FRMD8: variants seen among roughly 807,000 people sequenced by gnomAD.
The protein encoded by FRMD8 is FERM domain containing 8.
Under a neutral mutation model 54.2 loss-of-function variants are expected in FRMD8, and 37 were observed. The ratio of observed to expected loss-of-function variants is 0.68; its 90% CI spans 0.53 to 0.90. The LOEUF is 0.90. FRMD8 is among the 40% of genes least tolerant of loss of function. The pLI, the probability that FRMD8 is intolerant of heterozygous loss-of-function variation, is 0.00. For synonymous variants in FRMD8, 246 were observed against 286.9 expected (o/e 0.86, Z 1.44); for missense variants, 585 against 653.7 (o/e 0.89, Z 1.15).
the FRMD8 span, chr11:65,380,011 G>A: frequency 6.3e-7 from 1 of 1,596,746 alleles, no homozygotes; most frequent in Non-Finnish European, 8.6e-7. Flanking sequence ...GCCCCCTCAA[G>A]CGGGATGCCA....
intron 2 of FRMD8, among the ~76,000 whole-genome samples, chr11:65,388,209 AG>A (rs1855772225): frequency 6.6e-6 from 1 of 151,392 alleles, no homozygotes; most frequent in Non-Finnish European, 1.5e-5. Flanking sequence ...TTCATTTGAT[AG>A]GGAGGAAACT....
At chr11:65,371,725 C>T in the FRMD8 span, among the ~76,000 whole-genome samples, 1 of 152,234 alleles carries the variant, frequency 6.6e-6, no homozygotes, top group Non-Finnish European at 1.5e-5. Context: ...GGTGATTCTC[C>T]TGCCTCAGCC....
chr11:65,391,168 G>A (rs573047384), intron 3 of FRMD8, among the ~76,000 whole-genome samples: 14 of 152,362 alleles, frequency 9.2e-5, no homozygotes, highest in South Asian at 6.2e-4. Context: ...TCTCAATGTC[G>A]TTGTCACTCT....
At chr11:65,398,339 G>A (rs921196179) in intron 7 of FRMD8, among the ~76,000 whole-genome samples, 3 of 152,364 alleles carry the variant, frequency 2.0e-5, no homozygotes, top group Middle Eastern at 3.4e-3. Context: ...ATACTTGTTA[G>A]ACGCCCCACT....
At chr11:65,379,443 T>C in the FRMD8 span, 3 of 1,613,970 alleles carry the variant, frequency 1.9e-6, no homozygotes, top group Non-Finnish European at 2.5e-6. Flanking sequence ...GGCCCGCCGC[T>C]CCTGGTGGGA....
At chr11:65,395,408 G>A (rs1244048519) in intron 6 of FRMD8, among the ~76,000 whole-genome samples, 1 of 151,562 alleles carries the variant, frequency 6.6e-6, no homozygotes, top group Non-Finnish European at 1.5e-5. Flanking sequence ...GCAAGGTGGT[G>A]CATGCCTGTA....
At chr11:65,387,387 G>A (rs894355038) in intron 2 of FRMD8, 3 of 617,186 alleles carry the variant, frequency 4.9e-6, no homozygotes, top group Admixed American at 2.6e-5. Context: ...GAAAAGTGAA[G>A]GCTGATGTGG....
At chr11:65,410,400 CAGG>C (rs1316997754) in intron 10 of FRMD8, among the ~76,000 whole-genome samples, 1 of 151,658 alleles carries the variant, frequency 6.6e-6, no homozygotes, top group African/African-American at 2.4e-5. Context: ...GAGGCTGAGG[CAGG>C]AGAATTGCTT....
chr11:65,396,975 A>C lies in FRMD8; in HGVS notation c.758A>C (p.His253Pro). 1 of 1,492,444 alleles carries C rather than the reference A, an allele frequency of 6.7e-7. No individual in the cohort carries two copies. The highest frequency in any genetic ancestry group is 2.7e-5 in the East Asian group (1 of 37,642). 92.5% of individuals were successfully genotyped at this position (1,492,444 alleles called of 1,614,324 possible). A position where few individuals can be genotyped will look rare whatever the true frequency, so the allele number is the denominator to read the frequency against. ...GGGTGCGAGGCCGCCCTGGGCACCCACTACCGCGCCTATCTCCTCAAGTGC... is the reference window on the plus strand; with the variant it reads ...GGGTGCGAGGCCGCCCTGGGCACCCCCTACCGCGCCTATCTCCTCAAGTGC... Reference protein sequence around the residue: ...DGGCEAALGTHYRAYLLKCHE... With the variant: ...DGGCEAALGTPYRAYLLKCHE... Residue 253 changes from histidine (H) to proline (P), a missense_variant, in exon 7 of 11, where the codon CAC becomes CCC. Physicochemically the swap from His to Pro is moderately conservative, Grantham distance 77. Coordinates refer to ENST00000317568, the MANE Select transcript of FRMD8 (RefSeq NM_031904.5).
intron 3 of FRMD8, among the ~76,000 whole-genome samples, chr11:65,391,985 CAGAG>C (rs1164010253): frequency 5.3e-5 from 8 of 152,214 alleles, no homozygotes; most frequent in Admixed American, 1.3e-4. Flanking sequence ...AGTTCCCAGA[CAGAG>C]AGAGCATGAG....
At chr11:65,371,660 C>T in the FRMD8 span, among the ~76,000 whole-genome samples, 1 of 152,180 alleles carries the variant, frequency 6.6e-6, no homozygotes, top group African/African-American at 2.4e-5. Context: ...TGTCATCCAG[C>T]CTGGAGTGCA....
intron 6 of FRMD8, among the ~76,000 whole-genome samples, chr11:65,396,086 G>A (rs1855948030): frequency 6.6e-6 from 1 of 152,208 alleles, no homozygotes; most frequent in Non-Finnish European, 1.5e-5. Context: ...CTTCCCTTCT[G>A]GGGGTGAAGA....
upstream of FRMD8, chr11:65,386,593 G>A: frequency 5.8e-6 from 1 of 170,958 alleles, no homozygotes; most frequent in South Asian, 1.5e-4. Flanking sequence ...GGTCGAAGGG[G>A]GCGGGGCCTC....
chr11:65,390,009 CTT>C (rs1855812952), intron 3 of FRMD8, among the ~76,000 whole-genome samples: 1 of 152,174 alleles, frequency 6.6e-6, no homozygotes, highest in Non-Finnish European at 1.5e-5. Context: ...CGGTCGGCCT[CTT>C]TGAACTGTTC....
intron 10 of FRMD8, among the ~76,000 whole-genome samples, chr11:65,406,210 T>C (rs1312370795): frequency 6.7e-6 from 1 of 149,382 alleles, no homozygotes; most frequent in Non-Finnish European, 1.5e-5. Flanking sequence ...TTTTTTTTTT[T>C]TGAGACAGAG....
Position 65,394,065 on chromosome 11 carries a change from G to A in FRMD8, c.380G>A (p.Arg127Lys), listed in dbSNP as rs745936198. ...AMDEPFLQFR[R>K]NVFFPKRREL... ...GATGAGCCTTTCCTGCAGTTCCGAAGGAACGTGTTCTTCCCAAAGCGGCGG... is the reference window on the plus strand; with the variant it reads ...GATGAGCCTTTCCTGCAGTTCCGAAAGAACGTGTTCTTCCCAAAGCGGCGG... The change falls in exon 5 of 11, where the codon AGG becomes AAG. Residue 127 changes from arginine to lysine, a missense_variant. By Grantham distance (26) the Arg-to-Lys change is conservative. Transcript: ENST00000317568. The A allele has an allele frequency of 1.9e-6, 3 of 1,614,180 alleles. No individual in the cohort carries two copies. In the Admixed American group the frequency reaches 5.0e-5, roughly 27 times the overall value.
intron 8 of FRMD8, 120 bp downstream of exon 8, chr11:65,399,979 ACCCTGCCTC>A (rs1438162702): frequency 8.1e-7 from 1 of 1,229,296 alleles, no homozygotes; most frequent in Non-Finnish European, 1.1e-6. Context: ...TCTGGGAGGG[ACCCTGCCTC>A]CGTTGGATGT....
At position 65,404,341 on chromosome 11, in the gene FRMD8, T is replaced by C. The variant is rs1856143557; in HGVS notation, c.1072-523T>C. The stretch of plus-strand genomic sequence containing the variant: ...GTCCTTGGTGCCCAGCTGTGCCCGC[T>C]GGCACCCGGCTGCTGCATCTTTTCT... On this transcript the variant is annotated intron_variant, in intron 9 of 10. Coordinates refer to ENST00000317568, the MANE Select transcript of FRMD8 (RefSeq NM_031904.5). The surrounding 1 kb of genome is among the most constrained non-coding windows in gnomAD (Gnocchi z 4.7). 6.6e-6 allele frequency among the ~76,000 whole-genome samples: 1 copy of C among 152,174 alleles called. No individual in the cohort carries two copies. Among genetic ancestry groups the C allele is most frequent in the African/African-American group, 2.4e-5 (1 of 41,450 alleles).
Position 65,400,128 on chromosome 11 carries a change from C to T in FRMD8, c.927+269C>T, listed in dbSNP as rs1172318148. ...AGGGAGGGCAGCAGGGCCCGCTGCT[C>T]TGCCTGGCTGATGGCTGGAGAACAG... On this transcript the variant is annotated intron_variant, in intron 8 of 10. Transcript: ENST00000317568. The surrounding 1 kb of genome is among the most constrained non-coding windows in gnomAD (Gnocchi z 4.3). 6.6e-6 allele frequency among the ~76,000 whole-genome samples: 1 copy of T among 152,172 alleles called. No individual in the cohort carries two copies. The highest frequency in any genetic ancestry group is 2.4e-5 in the African/African-American group (1 of 41,434).
Sources: allele counts gnomAD v4.1 joint callset (sites outside exome capture counted in the v4.1 genomes callset), GRCh38; gene constraint gnomAD v4.1.1; non-coding constraint Gnocchi (gnomAD v3.1); transcripts MANE v1.5; gene names NCBI Gene and HGNC (gene_info 2026-07-23, HGNC 2026-07-21).